Variants in CRTAP observed in about 807,000 individuals in gnomAD.
The protein encoded by CRTAP is cartilage-associated protein.
CRTAP carries 33 observed loss-of-function variants against 42.7 expected under a neutral mutation model. The observed-to-expected ratio is 0.77, with a 90% confidence interval of 0.59 to 1.03. The LOEUF is 1.03. Among genes scored for constraint, CRTAP ranks in the 50% least tolerant of loss-of-function variants. The pLI is 0.00. For synonymous variants in CRTAP, 243 were observed against 217.7 expected, an observed-to-expected ratio of 1.12 and a Z score of -1.02; for missense variants, 613 against 533.9, an observed-to-expected ratio of 1.15 and a Z score of -1.46.
chr3:33,134,374 G>GA, intron 6 of CRTAP, 109 bp downstream of exon 6: 1 of 779,684 alleles, frequency 1.3e-6, no homozygotes, highest in Non-Finnish European at 2.3e-6. Flanking sequence ...AAACAGAGGG[G>GA]ACCTTGAGAA....
At chr3:33,132,383 C>T (rs1477308869) in intron 4 of CRTAP, among the ~76,000 whole-genome samples, 172 bp from the exon 5 acceptor site, 1 of 152,216 alleles carries the variant, frequency 6.6e-6, no homozygotes. Flanking sequence ...TCCAGGCTGC[C>T]GTGGAGACCC....
chr3:33,131,983 A>G (rs1393788930), intron 4 of CRTAP, among the ~76,000 whole-genome samples: 2 of 151,852 alleles, frequency 1.3e-5, no homozygotes, highest in East Asian at 3.9e-4. Flanking sequence ...TGCTGAAGGT[A>G]CTGTCACAGG....
At chr3:33,127,793 C>T (rs1416371787) in intron 3 of CRTAP, among the ~76,000 whole-genome samples, 1 of 151,642 alleles carries the variant, frequency 6.6e-6, no homozygotes, top group Non-Finnish European at 1.5e-5. Context: ...GTCGCCCAGG[C>T]TGGAGTGCAG....
At chr3:33,138,343 G>T (rs2030480955) in intron 6 of CRTAP, among the ~76,000 whole-genome samples, 1 of 151,898 alleles carries the variant, frequency 6.6e-6, no homozygotes, top group East Asian at 1.9e-4. Context: ...GGGGAGTATT[G>T]GCTTCTTAAT....
chr3:33,127,626 T>C (rs1230105127), intron 3 of CRTAP, among the ~76,000 whole-genome samples: 1 of 151,954 alleles, frequency 6.6e-6, no homozygotes, highest in Non-Finnish European at 1.5e-5. Flanking sequence ...TTTTATATTT[T>C]TAGTAGAGAC....
At position 33,114,134 on chromosome 3, in the gene CRTAP, C is replaced by T; in HGVS notation, c.57C>T (p.Cys19=). The T allele has an allele frequency of 1.3e-6, 2 of 1,567,898 alleles. No individual in the cohort carries two copies. Among genetic ancestry groups the T allele is most frequent in the Non-Finnish European group, 8.6e-7 (1 of 1,166,978 alleles). Residue 19 remains cysteine (C), a synonymous_variant, in exon 1 of 7, where the codon TGC becomes TGT. Transcript: ENST00000320954. ...TGCTAGCGCTGCTGTGCGTGGCCTG[C>T]GCGCTGCGCGCCGGGCGCGCCCAAT... ...AALLALLCVA[C]ALRAGRAQYE...
At chr3:33,117,385 G>T (rs994124963) in intron 1 of CRTAP, among the ~76,000 whole-genome samples, 2 of 152,202 alleles carry the variant, frequency 1.3e-5, no homozygotes, top group African/African-American at 2.4e-5. Flanking sequence ...GTGTGCTCTT[G>T]TAGAAAAGGG....
intron 4 of CRTAP, among the ~76,000 whole-genome samples, chr3:33,130,643 C>G (rs1224630731): frequency 6.8e-6 from 1 of 147,210 alleles, no homozygotes; most frequent in Non-Finnish European, 1.5e-5. Flanking sequence ...AGTGATTCCC[C>G]TTCCTCAGCC....
chr3:33,120,474 T>G lies in CRTAP; in HGVS notation c.602T>G (p.Leu201Arg), dbSNP rs376333603. The G allele has an allele frequency of 6.2e-7, 1 of 1,611,978 alleles. No individual in the cohort carries two copies. Among genetic ancestry groups the G allele is most frequent in the Non-Finnish European group, 8.5e-7 (1 of 1,178,328 alleles). Residue 201 changes from leucine to arginine, a missense_variant, in exon 2 of 7, where the codon CTG (leucine) becomes CGG (arginine). Physicochemically the swap from Leu to Arg is moderately radical, Grantham distance 102 (BLOSUM62 -2). Coordinates refer to ENST00000320954, the MANE Select transcript of CRTAP (RefSeq NM_006371.5). ...LPGAEDYIKDLETKSYESLFI... is the reference protein window; with the variant it reads ...LPGAEDYIKDRETKSYESLFI... ...GGTGCCGAGGACTACATTAAAGACC[T>G]GGAAACCAAGTCATATGAAGTATGT... is the stretch of plus-strand genomic sequence containing the variant.
Position 33,142,410 on chromosome 3 carries a change from T to A in CRTAP, c.1168T>A (p.Tyr390Asn). 2 of 1,614,116 alleles carry A rather than the reference T, an allele frequency of 1.2e-6. No homozygotes were observed. Among genetic ancestry groups the A allele is most frequent in the South Asian group, 2.2e-5 (2 of 91,082 alleles). The change falls in exon 7 of 7, where the codon TAT (tyrosine) becomes AAT (asparagine). Residue 390 changes from tyrosine (Y) to asparagine (N), a missense_variant. Coordinates refer to ENST00000320954, the MANE Select transcript of CRTAP (RefSeq NM_006371.5). ...TCTCTTACAGGGAGAAGTTGTGGAA[T>A]ATGTGGATGACCTCTTGGAACTGGA... ...MDDDEGEVVE[Y>N]VDDLLELEET...
intron 1 of CRTAP, among the ~76,000 whole-genome samples, chr3:33,115,831 A>G: frequency 6.6e-6 from 1 of 151,820 alleles, no homozygotes; most frequent in Non-Finnish European, 1.5e-5. Context: ...ACAAAACCCC[A>G]AAGAGGGGAA....
At chr3:33,137,960 C>T (rs2030470157) in intron 6 of CRTAP, among the ~76,000 whole-genome samples, 1 of 152,168 alleles carries the variant, frequency 6.6e-6, no homozygotes, top group Admixed American at 6.5e-5. Flanking sequence ...GACTTTTTCA[C>T]CATTGAATTG....
Position 33,124,638 on chromosome 3 carries a change from G to C in CRTAP, c.793+59G>C, listed in dbSNP as rs2030009336. On this transcript the variant is annotated intron_variant, in intron 3 of 6. Transcript: ENST00000320954. Reference sequence around the variant, plus strand: ...TGGAATAGTCTTCCTTAGATGTCTGGTTTCTGCCTGCATGCCTGCTAGATG... The same window carrying C: ...TGGAATAGTCTTCCTTAGATGTCTGCTTTCTGCCTGCATGCCTGCTAGATG... 1.9e-6 allele frequency: 3 copies of C among 1,598,496 alleles called. No homozygotes were observed. The East Asian group carries it at 6.7e-5, about 36-fold the overall frequency.
rs1208965445 is a variant in CRTAP, at chr3:33,142,974, GTCT to G, written c.*531_*533del. On this transcript the variant is annotated 3_prime_UTR_variant, in exon 7 of 7. Transcript: ENST00000320954. ...CGGCCTCTTTCTCACCTTTACACCT[GTCT>G]TCTTATCCTCACATCTGTTTTCACA... 2 of 159,760 alleles carry G rather than the reference GTCT, an allele frequency of 1.3e-5. No individual in the cohort carries two copies. The highest frequency in any genetic ancestry group is 5.9e-5 in the Admixed American group (1 of 16,878). 9.9% of individuals were successfully genotyped at this position (159,760 alleles called of 1,614,324 possible).
chr3:33,134,084 A>G lies in CRTAP; in HGVS notation c.1069-98A>G, dbSNP rs907032632. On this transcript the variant is annotated intron_variant, in intron 5 of 6. Transcript: ENST00000320954. Reference sequence around the variant, plus strand: ...CCACTATCTAATTTTAAACATTTTCATCACCTTAGAAAAAACCCCATATCC... The same window carrying G: ...CCACTATCTAATTTTAAACATTTTCGTCACCTTAGAAAAAACCCCATATCC... 4.9e-6 allele frequency: 4 copies of G among 820,058 alleles called. No homozygotes were observed. In the African/African-American group the frequency reaches 5.1e-5, roughly 10 times the overall value. The allele number at this position is 820,058 out of a possible 1,614,324, so 50.8% of individuals were successfully genotyped here.
chr3:33,119,808 G>A (rs1330321519), intron 1 of CRTAP, among the ~76,000 whole-genome samples: 1 of 152,178 alleles, frequency 6.6e-6, no homozygotes, highest in Non-Finnish European at 1.5e-5. Flanking sequence ...GATAGCAGTG[G>A]GATATGACCA....
At chr3:33,138,959 C>T (rs1053291385) in intron 6 of CRTAP, among the ~76,000 whole-genome samples, 6 of 152,052 alleles carry the variant, frequency 3.9e-5, no homozygotes, top group Non-Finnish European at 8.8e-5. Flanking sequence ...CCTGGCCAAT[C>T]GGTCGAAATC....
chr3:33,138,445 C>T (rs2030484252), intron 6 of CRTAP, among the ~76,000 whole-genome samples: 1 of 151,882 alleles, frequency 6.6e-6, no homozygotes, highest in Non-Finnish European at 1.5e-5. Flanking sequence ...TTTATTATTC[C>T]TAAACATTCT....
At chr3:33,127,208 T>C (rs1295976144) in intron 3 of CRTAP, among the ~76,000 whole-genome samples, 1 of 151,886 alleles carries the variant, frequency 6.6e-6, no homozygotes, top group Non-Finnish European at 1.5e-5. Context: ...GGCTTAGTGA[T>C]TTTGAGGTCC....
Sources: gnomAD v4.1 joint callset for allele counts (sites outside exome capture counted in the v4.1 genomes callset) on GRCh38, gnomAD v4.1.1 for gene constraint, MANE v1.5 for transcripts, NCBI Gene and HGNC (gene_info 2026-07-23, HGNC 2026-07-21) for gene names.